PM20D1: variants seen among roughly 807,000 people sequenced by gnomAD.
The protein encoded by PM20D1 is peptidase M20 domain containing 1.
A neutral mutation model predicts 53.8 loss-of-function variants in PM20D1; 53 were observed. That is an observed-to-expected ratio of 0.98 (90% confidence interval 0.79 to 1.24). The LOEUF (loss-of-function observed/expected upper bound fraction) is 1.24, where lower values mean the gene tolerates loss of function less well. PM20D1 is among the 50% of genes most tolerant of loss of function. The pLI is 0.00. For missense variants in PM20D1, 564 were observed against 616.8 expected, an observed-to-expected ratio of 0.91 and a Z score of 0.91; for synonymous variants, 239 against 241.3, an observed-to-expected ratio of 0.99 and a Z score of 0.09.
At chr1:205,830,161 T>C (rs1458848704) in intron 12 of PM20D1, 119 bp downstream of exon 12, 2 of 736,816 alleles carry the variant, frequency 2.7e-6, no homozygotes, top group Non-Finnish European at 4.6e-6. Flanking sequence ...CTCCATTTCA[T>C]TTTGCCAAAT....
intron 9 of PM20D1, 93 bp from the exon 10 acceptor site, chr1:205,840,416 G>T (rs971354668): frequency 4.2e-6 from 5 of 1,189,888 alleles, no homozygotes; most frequent in East Asian, 2.5e-5. Context: ...AGCTCAGGCA[G>T]AGTTGGCTGA....
intron 2 of PM20D1, among the ~76,000 whole-genome samples, chr1:205,847,007 T>C (rs1657004196): frequency 4.8e-5 from 1 of 21,034 alleles, no homozygotes; most frequent in Non-Finnish European, 1.8e-4. Context: ...CCTTCCTTTC[T>C]TTTTTTTTTT....
rs1656493452 is a variant in PM20D1, at chr1:205,828,649, C to T, written c.1480G>A (p.Glu494Lys). Residue 494 changes from glutamate to lysine, a missense_variant, in exon 13 of 13, where the codon GAG becomes AAG. Coordinates refer to ENST00000367136, the MANE Select transcript of PM20D1 (RefSeq NM_152491.5). Reference protein sequence around the residue: ...ELIQNADTDQEPVSHLHKL With the variant: ...ELIQNADTDQKPVSHLHKL ...AGTTTGTGCAGGTGAGAAACTGGCTCCTGGTCTGTGTCAGCATTCTGAATC... is the reference window on the plus strand; with the variant it reads ...AGTTTGTGCAGGTGAGAAACTGGCTTCTGGTCTGTGTCAGCATTCTGAATC... 3.1e-6 allele frequency: 5 copies of T among 1,614,180 alleles called. No homozygotes were observed. Among genetic ancestry groups the T allele is most frequent in the Non-Finnish European group, 4.2e-6 (5 of 1,180,018 alleles).
chr1:205,828,751 A>G lies in PM20D1; in HGVS notation c.1386-8T>C. ...TCGTTGACTCCATGGATGCTGAGGA[A>G]AGTAAGGTGCATTTAGGGAAGGAGG... On this transcript the variant is annotated splice_region_variant and splice_polypyrimidine_tract_variant and intron_variant, in intron 12 of 12. Coordinates refer to ENST00000367136, the MANE Select transcript of PM20D1 (RefSeq NM_152491.5). The G allele has an allele frequency of 6.2e-7, 1 of 1,613,798 alleles. No individual in the cohort carries two copies. Among genetic ancestry groups the G allele is most frequent in the Non-Finnish European group, 8.5e-7 (1 of 1,179,764 alleles).
chr1:205,832,717 T>C lies in PM20D1; in HGVS notation c.1166A>G (p.His389Arg). Reference sequence around the variant, plus strand: ...GAGGGGGTCAAAGGCACTCAACACATGGAACTGGACTCTGTTATCAGCCAC... The same window carrying C: ...GAGGGGGTCAAAGGCACTCAACACACGGAACTGGACTCTGTTATCAGCCAC... ...NIVADNRVQF[H>R]VLSAFDPLPV... Residue 389 changes from histidine to arginine, a missense_variant, in exon 11 of 13, where the codon CAT becomes CGT. His to Arg is a conservative substitution (Grantham distance 29). Coordinates refer to ENST00000367136, the MANE Select transcript of PM20D1 (RefSeq NM_152491.5). 3 of 1,613,662 alleles carry C rather than the reference T, an allele frequency of 1.9e-6. No homozygotes were observed. The highest frequency in any genetic ancestry group is 1.3e-5 in the African/African-American group (1 of 75,020).
chr1:205,842,994 C>G (rs906459761), intron 6 of PM20D1, among the ~76,000 whole-genome samples: 3 of 152,184 alleles, frequency 2.0e-5, no homozygotes, highest in Non-Finnish European at 4.4e-5. Context: ...TCTCTAGAAT[C>G]CTGTGTGTCC....
At chr1:205,829,201 T>A (rs1056351180) in intron 12 of PM20D1, among the ~76,000 whole-genome samples, 5 of 151,922 alleles carry the variant, frequency 3.3e-5, no homozygotes, top group Admixed American at 2.0e-4. Flanking sequence ...TATTTTTAAA[T>A]TTTTTTTTGA....
At chr1:205,837,883 A>G (rs1304000710) in intron 10 of PM20D1, among the ~76,000 whole-genome samples, 1 of 152,118 alleles carries the variant, frequency 6.6e-6, no homozygotes, top group African/African-American at 2.4e-5. Context: ...AAGAAGCTCA[A>G]TGAGGGGAAT....
At chr1:205,829,794 A>T (rs1045245402) in intron 12 of PM20D1, 4 of 154,090 alleles carry the variant, frequency 2.6e-5, no homozygotes, top group African/African-American at 9.6e-5. Context: ...AACCCACAAA[A>T]ATAGTAATTC....
At chr1:205,844,789 G>T in intron 4 of PM20D1, 22 bp downstream of exon 4, 1 of 1,604,282 alleles carries the variant, frequency 6.2e-7, no homozygotes, top group Non-Finnish European at 8.5e-7. Flanking sequence ...ACAGAGATAG[G>T]TATAAGGTGA....
At chr1:205,845,244 C>A in intron 3 of PM20D1, 81 bp downstream of exon 3, 3 of 1,383,686 alleles carry the variant, frequency 2.2e-6, no homozygotes, top group Non-Finnish European at 2.0e-6. Flanking sequence ...CCATTATCTC[C>A]CACCTCCCAG....
intron 5 of PM20D1, 34 bp from the exon 6 acceptor site, chr1:205,843,820 T>A (rs1656875733): frequency 6.2e-7 from 1 of 1,605,120 alleles, no homozygotes; most frequent in Non-Finnish European, 8.5e-7. Flanking sequence ...CTCTCCTGAC[T>A]TCTTGCCTCT....
intron 12 of PM20D1, 89 bp downstream of exon 12, chr1:205,830,191 C>CTG (rs1656526080): frequency 4.9e-6 from 5 of 1,016,954 alleles, no homozygotes; most frequent in Non-Finnish European, 7.6e-6. Flanking sequence ...CCCCCTGATT[C>CTG]TGTGGACTGC....
chr1:205,839,977 A>G (rs575596226), intron 10 of PM20D1, among the ~76,000 whole-genome samples: 74 of 151,662 alleles, frequency 4.9e-4, no homozygotes, highest in African/African-American at 1.7e-3. Context: ...CAAGCCTACT[A>G]CACTACTACA....
Position 205,828,495 on chromosome 1 carries a change from A to C in PM20D1, c.*125T>G, listed in dbSNP as rs1656489143. The C allele has an allele frequency of 4.4e-6, 6 of 1,363,834 alleles. No individual in the cohort carries two copies. In the South Asian group the frequency reaches 8.5e-5, roughly 19 times the overall value. 84.5% of individuals were successfully genotyped at this position (1,363,834 alleles called of 1,614,324 possible). On this transcript the variant is annotated 3_prime_UTR_variant, in exon 13 of 13. Coordinates refer to ENST00000367136, the MANE Select transcript of PM20D1 (RefSeq NM_152491.5). ...TTGTTCTTGGGAGAGTTTAAGAGTGAGCAAGACAGATGGGCAATGTTTTAC... is the reference window on the plus strand; with the variant it reads ...TTGTTCTTGGGAGAGTTTAAGAGTGCGCAAGACAGATGGGCAATGTTTTAC...
At chr1:205,841,362 C>T (rs1656803192) in intron 9 of PM20D1, among the ~76,000 whole-genome samples, 1 of 152,148 alleles carries the variant, frequency 6.6e-6, no homozygotes, top group Non-Finnish European at 1.5e-5. Flanking sequence ...GTTTTCTCAA[C>T]TGGGTATTGG....
intron 12 of PM20D1, 134 bp downstream of exon 12, chr1:205,830,146 A>G (rs1007058117): frequency 4.7e-5 from 31 of 657,752 alleles, no homozygotes; most frequent in Non-Finnish European, 1.1e-5. Flanking sequence ...TAGGTTCTAC[A>G]ATGTCTCCAT....
At chr1:205,843,952 G>A (rs1656878808) in intron 5 of PM20D1, 135 bp downstream of exon 5, 3 of 1,472,318 alleles carry the variant, frequency 2.0e-6, no homozygotes, top group Admixed American at 2.2e-5. Flanking sequence ...CCTAGGAGAG[G>A]TTAAAGATTG....
At chr1:205,848,350 T>G (rs1657047937) in intron 1 of PM20D1, among the ~76,000 whole-genome samples, 1 of 152,230 alleles carries the variant, frequency 6.6e-6, no homozygotes, top group Non-Finnish European at 1.5e-5. Context: ...CCAATTGCTT[T>G]GATGAATCCA....
Sources: gnomAD v4.1 joint callset for allele counts (sites outside exome capture counted in the v4.1 genomes callset) on GRCh38, gnomAD v4.1.1 for gene constraint, MANE v1.5 for transcripts, NCBI Gene and HGNC (gene_info 2026-07-23, HGNC 2026-07-21) for gene names.